The following ZC2HC1A variants were observed in gnomAD, a reference collection of about 807,000 sequenced individuals.
ZC2HC1A encodes zinc finger C2HC-type containing 1A.
ZC2HC1A carries 28 observed loss-of-function variants against 40.7 expected under a neutral mutation model. The ratio of observed to expected loss-of-function variants is 0.69; its 90% CI spans 0.51 to 0.94. The LOEUF is 0.94. ZC2HC1A is among the 40% of genes least tolerant of loss of function. The pLI, the probability that ZC2HC1A is intolerant of heterozygous loss-of-function variation, is 0.00. For synonymous variants in ZC2HC1A, 129 were observed against 129.2 expected (o/e 1.00, Z 0.01); for missense variants, 389 against 386.3 (o/e 1.01, Z -0.06).
intron 7 of ZC2HC1A, among the ~76,000 whole-genome samples, chr8:78,708,695 T>C (rs1357655249): frequency 1.3e-5 from 2 of 151,038 alleles, no homozygotes; most frequent in Admixed American, 6.6e-5. Flanking sequence ...TTTTTTTTTT[T>C]TTGAGATGGA....
intron 4 of ZC2HC1A, among the ~76,000 whole-genome samples, chr8:78,687,456 AC>A (rs957233137): frequency 2.7e-5 from 4 of 146,280 alleles, no homozygotes; most frequent in Non-Finnish European, 6.0e-5. Context: ...GACTATATAT[AC>A]ATAATTATAT....
chr8:78,690,095 G>A (rs567228874), intron 5 of ZC2HC1A, among the ~76,000 whole-genome samples: 29 of 152,306 alleles, frequency 1.9e-4, no homozygotes, highest in Non-Finnish European at 3.4e-4. Flanking sequence ...ACCTTGGTTG[G>A]AAATCAGATG....
intron 5 of ZC2HC1A, among the ~76,000 whole-genome samples, chr8:78,691,457 C>T (rs1469992614): frequency 6.6e-6 from 1 of 152,012 alleles, no homozygotes; most frequent in African/African-American, 2.4e-5. Context: ...TCTTTTCTCT[C>T]TATTCCTTAT....
chr8:78,686,443 A>G (rs1288538824), intron 3 of ZC2HC1A, 24 bp from the exon 4 acceptor site: 1 of 1,310,180 alleles, frequency 7.6e-7, no homozygotes, highest in South Asian at 2.3e-5. Context: ...TTATTTATTT[A>G]TTTATTTATT....
At chr8:78,686,955 T>C (rs1810000117) in intron 4 of ZC2HC1A, among the ~76,000 whole-genome samples, 1 of 152,178 alleles carries the variant, frequency 6.6e-6, no homozygotes, top group South Asian at 2.1e-4. Context: ...AGGAGTCATA[T>C]AATTATGTTG....
intron 7 of ZC2HC1A, among the ~76,000 whole-genome samples, chr8:78,703,388 A>G (rs369363610): frequency 1.3e-5 from 2 of 152,298 alleles, no homozygotes; most frequent in Admixed American, 6.5e-5. Context: ...AAAGTCTCCC[A>G]CTATTATCGT....
chr8:78,681,084 T>C (rs921494865), intron 3 of ZC2HC1A, among the ~76,000 whole-genome samples: 128 of 152,036 alleles, frequency 8.4e-4, no homozygotes, highest in African/African-American at 2.7e-3. Context: ...CCTTTTTTTT[T>C]TTTGAAGTGG....
chr8:78,708,675 T>TTTTTTTC (rs1476158058), intron 7 of ZC2HC1A, among the ~76,000 whole-genome samples: 1 of 151,212 alleles, frequency 6.6e-6, no homozygotes, highest in African/African-American at 2.4e-5. Context: ...TGATTATCTT[T>TTTTTTTC]TTTTTTTCTT....
chr8:78,702,555 G>C (rs897312848), intron 7 of ZC2HC1A, among the ~76,000 whole-genome samples: 2 of 151,936 alleles, frequency 1.3e-5, no homozygotes, highest in Admixed American at 6.6e-5. Flanking sequence ...TGTGATCTTT[G>C]GTTGTTAACT....
chr8:78,703,797 A>T (rs1036493037), intron 7 of ZC2HC1A, among the ~76,000 whole-genome samples: 1 of 152,018 alleles, frequency 6.6e-6, no homozygotes, highest in African/African-American at 2.4e-5. Context: ...ACTAGTATTG[A>T]TGTGTGTGGA....
chr8:78,676,873 T>C (rs947874028), intron 2 of ZC2HC1A, among the ~76,000 whole-genome samples: 2 of 152,030 alleles, frequency 1.3e-5, no homozygotes, highest in Non-Finnish European at 2.9e-5. Context: ...AATGATGTTA[T>C]TATAACACCT....
intron 3 of ZC2HC1A, among the ~76,000 whole-genome samples, chr8:78,683,250 A>T (rs1402445829): frequency 8.5e-5 from 13 of 152,200 alleles, no homozygotes; most frequent in Non-Finnish European, 1.6e-4. Flanking sequence ...TGTGGACTCC[A>T]ATCTCTTATT....
intron 3 of ZC2HC1A, among the ~76,000 whole-genome samples, chr8:78,683,841 A>G (rs1341544882): frequency 2.6e-5 from 4 of 152,126 alleles, no homozygotes; most frequent in African/African-American, 4.8e-5. Context: ...TCCACCAGAA[A>G]CCTTAAATCA....
intron 4 of ZC2HC1A, among the ~76,000 whole-genome samples, chr8:78,688,163 C>T (rs2130497426): frequency 6.6e-6 from 1 of 151,670 alleles, no homozygotes; most frequent in South Asian, 2.1e-4. Context: ...TGATCCTGGG[C>T]CTCTTTTAAT....
intron 7 of ZC2HC1A, chr8:78,712,040 GGTT>G: frequency 1.6e-6 from 2 of 1,289,678 alleles, no homozygotes; most frequent in Non-Finnish European, 2.0e-6. Context: ...CTTGTGCAAA[GGTT>G]GTATGACAGT....
chr8:78,673,999 A>G (rs1432967774), intron 1 of ZC2HC1A, among the ~76,000 whole-genome samples: 1 of 152,108 alleles, frequency 6.6e-6, no homozygotes, highest in African/African-American at 2.4e-5. Flanking sequence ...AACTTGTGGA[A>G]ATTAATGTCA....
chr8:78,680,286 C>CAAAAAA (rs3070855), intron 3 of ZC2HC1A, among the ~76,000 whole-genome samples: 7 of 88,146 alleles, frequency 7.9e-5, no homozygotes, highest in African/African-American at 3.2e-4. Flanking sequence ...GACTCCGTCT[C>CAAAAAA]AAAAAAAAAA....
At chr8:78,674,218 A>G (rs1809509485) in intron 1 of ZC2HC1A, among the ~76,000 whole-genome samples, 1 of 152,068 alleles carries the variant, frequency 6.6e-6, no homozygotes, top group Non-Finnish European at 1.5e-5. Context: ...TATGTGCTGA[A>G]TCCATTTTTG....
In ZC2HC1A at chr8:78,675,791, T is replaced by C; in HGVS notation, c.21T>C (p.Asn7=). 1 of 1,607,586 alleles carries C rather than the reference T, an allele frequency of 6.2e-7. No individual in the cohort carries two copies. Among genetic ancestry groups the C allele is most frequent in the Non-Finnish European group, 8.5e-7 (1 of 1,176,098 alleles). Residue 7 remains asparagine (N), a synonymous_variant, in exon 2 of 9, where the codon AAT becomes AAC. Transcript: ENST00000263849. ...TTAAATTCCTTCCTGTTTTAGAGAATGGAGGTGTTGTCCAAGTTGGAGAAT... is the reference window on the plus strand; with the variant it reads ...TTAAATTCCTTCCTGTTTTAGAGAACGGAGGTGTTGTCCAAGTTGGAGAAT... MEGLEE[N]GGVVQVGELL...
Sources: allele counts gnomAD v4.1 joint callset (sites outside exome capture counted in the v4.1 genomes callset), GRCh38; gene constraint gnomAD v4.1.1; transcripts MANE v1.5; gene names NCBI Gene and HGNC (gene_info 2026-07-23, HGNC 2026-07-21).